The following PRKCH variants were observed in gnomAD, a reference collection of about 807,000 sequenced individuals.
PRKCH encodes protein kinase C eta.
In PRKCH, 28 loss-of-function variants were observed where a neutral mutation model predicts 82.5. The ratio of observed to expected loss-of-function variants is 0.34; its 90% CI spans 0.25 to 0.47. The LOEUF is 0.47. PRKCH is among the 20% of genes least tolerant of loss of function. The pLI is 1.00. For synonymous variants in PRKCH, 322 were observed against 327.4 expected (o/e 0.98, Z 0.18); for missense variants, 705 against 881.8 (o/e 0.80, Z 2.54).
intron 1 of PRKCH, among the ~76,000 whole-genome samples, chr14:61,326,484 T>C (rs1260084299): frequency 2.0e-5 from 3 of 152,200 alleles, no homozygotes; most frequent in African/African-American, 7.2e-5. Flanking sequence ...GGGAGATGAA[T>C]ATTTGTGTTA....
chr14:61,301,186 G>A (rs556465698), intron 1 of PRKCH, among the ~76,000 whole-genome samples: 3 of 152,078 alleles, frequency 2.0e-5, no homozygotes, highest in Non-Finnish European at 4.4e-5. Context: ...GGAACCTCAG[G>A]TATTTACCCC....
At chr14:61,222,139 A>T (rs1021002819) in intron 1 of PRKCH, among the ~76,000 whole-genome samples, 2 of 152,224 alleles carry the variant, frequency 1.3e-5, no homozygotes, top group Admixed American at 1.3e-4. Context: ...CTAATCACAG[A>T]AAAGTTGTCA....
intron 1 of PRKCH, among the ~76,000 whole-genome samples, chr14:61,312,038 G>A (rs1566815301): frequency 6.6e-6 from 1 of 152,138 alleles, no homozygotes; most frequent in Non-Finnish European, 1.5e-5. Context: ...CTTGACATGT[G>A]GGGATTACAG....
At chr14:61,201,349 C>A (rs1415931637) in intron 1 of PRKCH, among the ~76,000 whole-genome samples, 1 of 152,072 alleles carries the variant, frequency 6.6e-6, no homozygotes, top group East Asian at 1.9e-4. Flanking sequence ...CCAAGTCACA[C>A]GGCTCTTCAG....
intron 10 of PRKCH, among the ~76,000 whole-genome samples, chr14:61,513,930 C>T (rs1043113588): frequency 3.9e-5 from 6 of 152,080 alleles, no homozygotes; most frequent in Non-Finnish European, 7.3e-5. Flanking sequence ...CCCATCCCAT[C>T]GTTTTACAGA....
Position 61,530,488 on chromosome 14 carries a change from G to C in PRKCH, c.1654G>C (p.Ala552Pro). Residue 552 changes from alanine to proline, a missense_variant, in exon 12 of 14, where the codon GCG becomes CCG. Physicochemically the swap from Ala to Pro is conservative, Grantham distance 27 (BLOSUM62 -1). This residue lies in a region of PRKCH where 115 missense variants were observed against 193.8 expected (regional missense o/e 0.59). Transcript: ENST00000332981. ...GCTCTATGAGATGCTCTGTGGTCAC[G>C]CGCCTTTTGAGGCAGAGAACGAAGA... The part of the protein sequence containing the change: ...VLLYEMLCGH[A>P]PFEAENEDDL... 1.2e-6 allele frequency: 2 copies of C among 1,612,562 alleles called. No homozygotes were observed. The highest frequency in any genetic ancestry group is 1.7e-6 in the Non-Finnish European group (2 of 1,179,296).
intron 1 of PRKCH, among the ~76,000 whole-genome samples, chr14:61,282,649 G>A (rs566742512): frequency 6.6e-6 from 1 of 152,262 alleles, no homozygotes; most frequent in East Asian, 1.9e-4. Context: ...GCCAATAATA[G>A]CTATGAATCA....
chr14:61,322,042 C>T lies in PRKCH; in HGVS notation c.-60C>T. The T allele has an allele frequency of 6.8e-7, 1 of 1,478,630 alleles. No individual in the cohort carries two copies. The highest frequency in any genetic ancestry group is 1.4e-5 in the African/African-American group (1 of 70,884). The allele number at this position is 1,478,630 out of a possible 1,614,324, so 91.6% of individuals were successfully genotyped here. On this transcript the variant is annotated 5_prime_UTR_variant, in exon 1 of 14. Coordinates refer to ENST00000332981, the MANE Select transcript of PRKCH (RefSeq NM_006255.5). ...TCCCGAGGGCTGGCCTGAGACGGGA[C>T]TCCCGGTTCTCCCGCTGCGAAGCAG...
chr14:61,547,120 G>C (rs1414095413), intron 12 of PRKCH, among the ~76,000 whole-genome samples: 1 of 152,172 alleles, frequency 6.6e-6, no homozygotes, highest in Non-Finnish European at 1.5e-5. Flanking sequence ...AGCAGTGGTG[G>C]GGGGAACATC....
At chr14:61,400,959 T>G (rs889272545) in intron 2 of PRKCH, among the ~76,000 whole-genome samples, 1 of 152,048 alleles carries the variant, frequency 6.6e-6, no homozygotes, top group African/African-American at 2.4e-5. Flanking sequence ...ATCTGAGGAG[T>G]TGGGGGTGGG....
At chr14:61,193,232 A>T (rs1206435324) in intron 1 of PRKCH, among the ~76,000 whole-genome samples, 1 of 152,222 alleles carries the variant, frequency 6.6e-6, no homozygotes, top group Non-Finnish European at 1.5e-5. Context: ...AATGGAAAAA[A>T]CATGTTTGCC....
chr14:61,342,314 T>C (rs1957901), intron 1 of PRKCH, among the ~76,000 whole-genome samples: 87,108 of 151,916 alleles, frequency 0.57, 29,320 homozygotes, highest in Non-Finnish European at 0.75. Context: ...ATGTAGATTA[T>C]CTTGGTTTGT....
chr14:61,457,180 T>A lies in PRKCH; in HGVS notation c.965T>A (p.Leu322His). 1 of 1,613,986 alleles carries A rather than the reference T, an allele frequency of 6.2e-7. No homozygotes were observed. The change falls in exon 8 of 14, where the codon CTC (leucine) becomes CAC (histidine). Residue 322 changes from leucine to histidine, a missense_variant. Around this residue, in one of 5 missense-constraint regions of PRKCH, gnomAD observed 238 missense variants for 258.1 expected, o/e 0.92. Coordinates refer to ENST00000332981, the MANE Select transcript of PRKCH (RefSeq NM_006255.5). ...QPGNISPTSK[L>H]VSRSTLRRQG... ...AATGTGTTCTTACTCTTTCAGAAAC[T>A]CGTTTCCAGATCGACCCTAAGACGA...
chr14:61,217,332 G>A (rs1042076609), intron 1 of PRKCH, among the ~76,000 whole-genome samples: 5 of 152,074 alleles, frequency 3.3e-5, no homozygotes, highest in Non-Finnish European at 7.4e-5. Flanking sequence ...GGTTGAGGCT[G>A]CAGTGAGAGG....
At chr14:61,294,654 C>T (rs183712830) in intron 1 of PRKCH, among the ~76,000 whole-genome samples, 7 of 152,006 alleles carry the variant, frequency 4.6e-5, no homozygotes, top group Admixed American at 4.6e-4. Flanking sequence ...GACCTATTTA[C>T]TGTCATAATA....
intron 9 of PRKCH, among the ~76,000 whole-genome samples, chr14:61,476,904 C>G (rs1057112636): frequency 3.9e-5 from 6 of 152,092 alleles, no homozygotes; most frequent in Admixed American, 3.3e-4. Flanking sequence ...CTCATTGTTT[C>G]TTCCTTGAAG....
chr14:61,221,374 C>A (rs1006582286), intron 1 of PRKCH, among the ~76,000 whole-genome samples: 2 of 152,116 alleles, frequency 1.3e-5, no homozygotes, highest in African/African-American at 2.4e-5. Context: ...GTGGATATAT[C>A]TATTAGCCCT....
chr14:61,265,440 C>T (rs554757238), intron 1 of PRKCH, among the ~76,000 whole-genome samples: 48 of 152,260 alleles, frequency 3.2e-4, no homozygotes, highest in African/African-American at 1.1e-3. Context: ...AAGATCGTGC[C>T]GTTGCACTCC....
At chr14:61,203,660 T>G (rs2044500045) in intron 1 of PRKCH, among the ~76,000 whole-genome samples, 1 of 151,994 alleles carries the variant, frequency 6.6e-6, no homozygotes. Flanking sequence ...TTTCAAATAT[T>G]TTTTACCGTG....
Sources: allele counts gnomAD v4.1 joint callset (sites outside exome capture counted in the v4.1 genomes callset), GRCh38; gene constraint gnomAD v4.1.1; regional missense constraint gnomAD v4.1.1; transcripts MANE v1.5; gene names NCBI Gene and HGNC (gene_info 2026-07-23, HGNC 2026-07-21).